NRG1: variants seen among roughly 807,000 people sequenced by gnomAD.
NRG1 encodes the protein neuregulin 1.
A neutral mutation model predicts 63.8 loss-of-function variants in NRG1; 18 were observed. That is an observed-to-expected ratio of 0.28 (90% CI 0.19 to 0.42). The LOEUF (loss-of-function observed/expected upper bound fraction) is 0.42. Among genes scored for constraint, NRG1 ranks in the 10% least tolerant of loss-of-function variants. NRG1 has a pLI of 1.00. For missense variants in NRG1, 762 were observed against 814.7 expected, an observed-to-expected ratio of 0.94 and a Z score of 0.79; for synonymous variants, 302 against 301.3, an observed-to-expected ratio of 1.00 and a Z score of -0.02.
chr8:31,824,200 G>C (rs1181683036), intron 1 of NRG1, among the ~76,000 whole-genome samples: 1 of 123,556 alleles, frequency 8.1e-6, no homozygotes, highest in East Asian at 2.3e-4. Flanking sequence ...ACAGGCCCTG[G>C]TGTGTGATGT....
At chr8:32,305,283 G>T (rs1379323426) in intron 1 of NRG1, among the ~76,000 whole-genome samples, 1 of 152,012 alleles carries the variant, frequency 6.6e-6, no homozygotes, top group East Asian at 1.9e-4. Flanking sequence ...TGTTCAGATT[G>T]ATTTTATGAA....
At chr8:32,534,590 G>A (rs1012245672) in intron 1 of NRG1, among the ~76,000 whole-genome samples, 1 of 152,140 alleles carries the variant, frequency 6.6e-6, no homozygotes, top group African/African-American at 2.4e-5. Context: ...GAGTTCTGGT[G>A]CCACAGAACG....
In NRG1 at chr8:32,407,910, G is replaced by A. The variant is rs79399636; in HGVS notation, c.38-187918G>A. Among the ~76,000 whole-genome samples, 385 of 152,300 alleles carry A rather than the reference G, an allele frequency of 2.5e-3. 4 individuals carry two copies. Among genetic ancestry groups the A allele is most frequent in the African/African-American group, 9.0e-3 (376 of 41,564 alleles). ...GAGGTGTAACTGATTAAACTCTGGT[G>A]CAGAATGTATCAGGATGGAAGGAAT... On this transcript the variant is annotated intron_variant, in intron 1 of 10. Transcript: ENST00000519301.
At chr8:32,593,943 GC>G (rs1842937235) in intron 1 of NRG1, among the ~76,000 whole-genome samples, 1 of 147,818 alleles carries the variant, frequency 6.8e-6, no homozygotes, top group Non-Finnish European at 1.5e-5. Context: ...TTTGCCAGTG[GC>G]CAGTGTGTCA....
At chr8:31,762,820 A>G (rs1327119321) in intron 1 of NRG1, among the ~76,000 whole-genome samples, 1 of 152,214 alleles carries the variant, frequency 6.6e-6, no homozygotes, top group African/African-American at 2.4e-5. Context: ...TAATGGAGAA[A>G]AGAACACTTC....
intron 1 of NRG1, among the ~76,000 whole-genome samples, chr8:31,864,688 A>G (rs1828792850): frequency 6.6e-6 from 1 of 152,202 alleles, no homozygotes; most frequent in Admixed American, 6.6e-5. Flanking sequence ...CCATTTAAAA[A>G]TGTTTAGTTA....
At chr8:31,950,144 T>C (rs1347939335) in intron 1 of NRG1, among the ~76,000 whole-genome samples, 1 of 152,174 alleles carries the variant, frequency 6.6e-6, no homozygotes, top group Non-Finnish European at 1.5e-5. Context: ...GGACATGTAA[T>C]ACTCTAGGCA....
chr8:32,146,120 A>G (rs1207488904), intron 1 of NRG1, among the ~76,000 whole-genome samples: 2 of 152,184 alleles, frequency 1.3e-5, no homozygotes, highest in Admixed American at 1.3e-4. Context: ...CTCTGGAGCA[A>G]AGTGTAGAGA....
At chr8:32,158,030 C>T (rs1364591643) in intron 1 of NRG1, among the ~76,000 whole-genome samples, 1 of 152,168 alleles carries the variant, frequency 6.6e-6, no homozygotes, top group Admixed American at 6.5e-5. Flanking sequence ...CCCTCACATC[C>T]TGTCTTCAAG....
At chr8:32,504,127 G>A (rs1303240511) in intron 1 of NRG1, among the ~76,000 whole-genome samples, 1 of 152,144 alleles carries the variant, frequency 6.6e-6, no homozygotes, top group African/African-American at 2.4e-5. Flanking sequence ...CCCAACTCCT[G>A]CGATCTTAGC....
chr8:32,717,030 GAAGAAA>G (rs1297525882), intron 5 of NRG1, among the ~76,000 whole-genome samples: 1 of 151,960 alleles, frequency 6.6e-6, no homozygotes, highest in Admixed American at 6.6e-5. Flanking sequence ...AATGGAAAAA[GAAGAAA>G]AAGAAAAAGC....
chr8:32,501,089 C>A (rs1827801568), intron 1 of NRG1, among the ~76,000 whole-genome samples: 1 of 152,134 alleles, frequency 6.6e-6, no homozygotes, highest in African/African-American at 2.4e-5. Flanking sequence ...GGCATGCTGG[C>A]CTACAGCTGA....
intron 1 of NRG1, among the ~76,000 whole-genome samples, chr8:31,728,595 A>G (rs983483713): frequency 1.3e-5 from 2 of 152,204 alleles, no homozygotes; most frequent in East Asian, 3.9e-4. Context: ...GCATCAATGT[A>G]TGAAAGCTGG....
Position 31,717,436 on chromosome 8 carries a change from CA to C in NRG1, c.37+78012del, listed in dbSNP as rs1348762544. ...TTAAAAAAAAAAAAAAAAAGAAAAA[CA>C]AAAAAAGGATTGTGTTAACATGGGG... On this transcript the variant is annotated intron_variant, in intron 1 of 10. Transcript: ENST00000519301. Among the ~76,000 whole-genome samples, 3 of 142,866 alleles carry C rather than the reference CA, an allele frequency of 2.1e-5. No individual in the cohort carries two copies. The East Asian group carries it at 6.2e-4, about 29-fold the overall frequency. 93.7% of individuals were successfully genotyped at this position (142,866 alleles called of 152,430 possible).
At chr8:32,235,543 T>C (rs1847456207) in intron 1 of NRG1, among the ~76,000 whole-genome samples, 1 of 152,224 alleles carries the variant, frequency 6.6e-6, no homozygotes, top group African/African-American at 2.4e-5. Flanking sequence ...TGAGCCCCCA[T>C]CCCATTATAG....
At chr8:32,642,388 T>C (rs1224559503) in intron 5 of NRG1, among the ~76,000 whole-genome samples, 1 of 152,184 alleles carries the variant, frequency 6.6e-6, no homozygotes, top group Admixed American at 6.5e-5. Flanking sequence ...CACATGACTG[T>C]GAACATGTAC....
intron 1 of NRG1, among the ~76,000 whole-genome samples, chr8:31,769,290 C>A (rs148851733): frequency 2.6e-5 from 4 of 152,150 alleles, no homozygotes; most frequent in African/African-American, 9.7e-5. Flanking sequence ...TGCAAGGTTG[C>A]CTATCTCATT....
intron 1 of NRG1, among the ~76,000 whole-genome samples, chr8:31,749,956 T>C (rs943383475): frequency 6.6e-6 from 1 of 151,874 alleles, no homozygotes; most frequent in Non-Finnish European, 1.5e-5. Flanking sequence ...AGATGAGTTT[T>C]CTGGAGATTT....
At chr8:32,382,909 T>C (rs1810524204) in intron 1 of NRG1, among the ~76,000 whole-genome samples, 1 of 151,996 alleles carries the variant, frequency 6.6e-6, no homozygotes, top group African/African-American at 2.4e-5. Context: ...ATATTTAAAA[T>C]AAAAATAATA....
Sources: allele counts gnomAD v4.1 joint callset (sites outside exome capture counted in the v4.1 genomes callset), GRCh38; gene constraint gnomAD v4.1.1; transcripts MANE v1.5; gene names NCBI Gene and HGNC (gene_info 2026-07-23, HGNC 2026-07-21).